The following CSPG4 variants were observed in gnomAD, a reference collection of about 807,000 sequenced individuals.
CSPG4 encodes chondroitin sulfate proteoglycan 4 (melanoma-associated).
In CSPG4, 74 loss-of-function variants were observed where a neutral mutation model predicts 139.3. The observed-to-expected ratio is 0.53, with a 90% CI of 0.44 to 0.64. The LOEUF is 0.64. CSPG4 is among the 30% of genes least tolerant of loss of function. The pLI, the probability that CSPG4 is intolerant of heterozygous loss-of-function variation, is 0.00. For missense variants in CSPG4, 2,565 were observed against 3,148.3 expected (o/e 0.81, Z 4.43); for synonymous variants, 1,234 against 1,394.2 (o/e 0.89, Z 2.56).
chr15:75,685,513 C>T lies in CSPG4; in HGVS notation c.3978G>A (p.Glu1326=), dbSNP rs1396856192. 3 of 1,609,342 alleles carry T rather than the reference C, an allele frequency of 1.9e-6. No homozygotes were observed. Among genetic ancestry groups the T allele is most frequent in the Non-Finnish European group, 1.7e-6 (2 of 1,178,846 alleles). ...GRVLYLHSRP[E]AWSDAFSLDV... ...CCAGCGAGAAGGCATCGCTCCAGGC[C>T]TCAGGGCGGGAGTGCAGGTACAGGA... Residue 1326 remains glutamate, a synonymous_variant, in exon 4 of 10, where the codon GAG becomes GAA. Transcript: ENST00000308508.
intron 1 of CSPG4, among the ~76,000 whole-genome samples, chr15:75,695,300 C>T (rs1300315631): frequency 6.6e-6 from 1 of 152,198 alleles, no homozygotes; most frequent in African/African-American, 2.4e-5. Flanking sequence ...AACCACTGAA[C>T]CACCTGCCTG....
intron 1 of CSPG4, among the ~76,000 whole-genome samples, chr15:75,702,669 G>A (rs1188037683): frequency 6.6e-6 from 1 of 152,244 alleles, no homozygotes; most frequent in Non-Finnish European, 1.5e-5. Context: ...CAGAGGCAGG[G>A]GACTGGACAC....
chr15:75,675,822 G>A lies in CSPG4; in HGVS notation c.6697C>T (p.Leu2233Phe), dbSNP rs760070850. 5.6e-6 allele frequency: 9 copies of A among 1,612,956 alleles called. No homozygotes were observed. The South Asian group carries it at 8.8e-5, about 16-fold the overall frequency. The change falls in exon 10 of 10, where the codon CTT becomes TTT. Residue 2233 changes from leucine (L) to phenylalanine (F), a missense_variant. This residue lies in a region of CSPG4 where 2,316 missense variants were observed against 2,818.2 expected (regional missense o/e 0.82). Transcript: ENST00000308508. ...FSVIIPMCLV[L>F]LLLALILPLL... ...GGCAGGATGAGCGCCAGGAGCAGAA[G>A]TACCAGGCACATGGGGATGATGACG...
chr15:75,709,506 C>T (rs2141442666), intron 1 of CSPG4, among the ~76,000 whole-genome samples: 1 of 152,336 alleles, frequency 6.6e-6, no homozygotes, highest in Admixed American at 6.5e-5. Context: ...ACTTCCTTCC[C>T]CGCAAGTGCC....
intron 8 of CSPG4, among the ~76,000 whole-genome samples, chr15:75,681,896 A>C (rs959159093): frequency 1.2e-4 from 19 of 152,274 alleles, no homozygotes; most frequent in African/African-American, 4.6e-4. Context: ...CCACAGGCCC[A>C]GCCGCTGCTT....
intron 1 of CSPG4, among the ~76,000 whole-genome samples, chr15:75,707,060 C>T (rs1368246514): frequency 3.3e-5 from 5 of 151,356 alleles, no homozygotes; most frequent in African/African-American, 4.9e-5. Context: ...CAGGTTCAAG[C>T]GATTCTCATG....
In CSPG4 at chr15:75,677,074, G is replaced by A; in HGVS notation, c.5445C>T (p.Pro1815=). 2.1e-6 allele frequency: 3 copies of A among 1,418,396 alleles called. No individual in the cohort carries two copies. The highest frequency in any genetic ancestry group is 1.9e-6 in the Non-Finnish European group (2 of 1,080,910). The allele number at this position is 1,418,396 out of a possible 1,614,324, so 87.9% of individuals were successfully genotyped here. ...QGPAGASVAG[P]QTSEAFAITV... ...TGATGGCAAAGGCCTCTGAGGTTTG[G>A]GGTCCAGCCACGGAGGCCCCTGCTG... Residue 1815 remains proline (P), a synonymous_variant, in exon 10 of 10, where the codon CCC becomes CCT. Transcript: ENST00000308508.
In CSPG4 at chr15:75,682,823, G is replaced by A. The variant is rs761950301; in HGVS notation, c.4648+20C>T. 6.2e-7 allele frequency: 1 copy of A among 1,605,944 alleles called. No individual in the cohort carries two copies. Among genetic ancestry groups the A allele is most frequent in the Middle Eastern group, 2.1e-4 (1 of 4,832 alleles). The stretch of plus-strand genomic sequence containing the variant: ...CCCCCGTGGGCAGCAGGAACCCGAG[G>A]CCCGGCCCTCAGCACCCACCTCTGT... On this transcript the variant is annotated intron_variant, in intron 6 of 9. Transcript: ENST00000308508.
chr15:75,688,204 G>C lies in CSPG4; in HGVS notation c.2861C>G (p.Thr954Ser), dbSNP rs1254682925. ...RLAWRGTQDK[T>S]TMVTSFTNED... ...ATTGGTGAAGGATGTCACCATAGTGGTCTTGTCCTGTGTCCCACGCCAAGC... is the reference window on the plus strand; with the variant it reads ...ATTGGTGAAGGATGTCACCATAGTGCTCTTGTCCTGTGTCCCACGCCAAGC... Residue 954 changes from threonine to serine, a missense_variant, in exon 3 of 10, where the codon ACC (threonine) becomes AGC (serine). Transcript: ENST00000308508. The C allele has an allele frequency of 1.2e-6, 2 of 1,612,778 alleles. No individual in the cohort carries two copies. The highest frequency in any genetic ancestry group is 2.7e-5 in the African/African-American group (2 of 74,936).
At position 75,686,885 on chromosome 15, in the gene CSPG4, T is replaced by C. The variant is rs373705948; in HGVS notation, c.3789+391A>G. The stretch of plus-strand genomic sequence containing the variant: ...GTGGGGGACATGAGGGTCTGAGGAG[T>C]AGCGGCCTGTCTCCACGGTCAGCAA... On this transcript the variant is annotated intron_variant, in intron 3 of 9. Transcript: ENST00000308508. Among the ~76,000 whole-genome samples, 69 of 151,980 alleles carry C rather than the reference T, an allele frequency of 4.5e-4. 1 individual carries two copies. The highest frequency in any genetic ancestry group is 1.6e-3 in the African/African-American group (68 of 41,438).
chr15:75,709,817 G>A (rs948786387), intron 1 of CSPG4, among the ~76,000 whole-genome samples: 5 of 152,098 alleles, frequency 3.3e-5, no homozygotes, highest in Non-Finnish European at 5.9e-5. Context: ...CCCCCAGGCG[G>A]GCAGCACTAA....
rs556484915 is a variant in CSPG4, at chr15:75,689,560, C to T, written c.1505G>A (p.Arg502His). 31 of 1,612,672 alleles carry T rather than the reference C, an allele frequency of 1.9e-5. No individual in the cohort carries two copies. Among genetic ancestry groups the T allele is most frequent in the Middle Eastern group, 3.4e-4 (2 of 5,962 alleles). ...KMFTLLDVVN[R>H]KARFIHDGSE... ...GCCATCGTGGATGAAGCGGGCCTTGCGGTTCACCACGTCCAGGAGGGTGAA... is the reference window on the plus strand; with the variant it reads ...GCCATCGTGGATGAAGCGGGCCTTGTGGTTCACCACGTCCAGGAGGGTGAA... Residue 502 changes from arginine to histidine, a missense_variant, in exon 3 of 10, where the codon CGC becomes CAC. This residue lies in a region of CSPG4 where 2,316 missense variants were observed against 2,818.2 expected (regional missense o/e 0.82). Coordinates refer to ENST00000308508, the MANE Select transcript of CSPG4 (RefSeq NM_001897.5).
chr15:75,701,299 C>T (rs574846291), intron 1 of CSPG4, among the ~76,000 whole-genome samples: 3 of 152,158 alleles, frequency 2.0e-5, no homozygotes, highest in Non-Finnish European at 2.9e-5. Flanking sequence ...TCTAAGGGAA[C>T]GAAAGGATCA....
chr15:75,680,794 C>T (rs920584428), intron 8 of CSPG4: 1 of 153,392 alleles, frequency 6.5e-6, no homozygotes, highest in Non-Finnish European at 1.5e-5. Flanking sequence ...ACACCTGACC[C>T]CTTCCCTGCC....
Position 75,712,725 on chromosome 15 carries a change from C to T in CSPG4, c.31G>A (p.Ala11Thr). Residue 11 changes from alanine (A) to threonine (T), a missense_variant, in exon 1 of 10, where the codon GCC becomes ACC. By Grantham distance (58) the Ala-to-Thr change is moderately conservative. Coordinates refer to ENST00000308508, the MANE Select transcript of CSPG4 (RefSeq NM_001897.5). MQSGPRPPLP[A>T]PGLALALTLT... Reference sequence around the variant, plus strand: ...GTCAAAGCCAAGGCCAGGCCGGGGGCTGGAAGTGGGGGCCGCGGCCCGGAC... The same window carrying T: ...GTCAAAGCCAAGGCCAGGCCGGGGGTTGGAAGTGGGGGCCGCGGCCCGGAC... 1 of 1,561,044 alleles carries T rather than the reference C, an allele frequency of 6.4e-7. No individual in the cohort carries two copies. The highest frequency in any genetic ancestry group is 8.7e-7 in the Non-Finnish European group (1 of 1,153,334).
In CSPG4 at chr15:75,676,921, C is replaced by T; in HGVS notation, c.5598G>A (p.Gly1866=). The T allele has an allele frequency of 6.4e-7, 1 of 1,561,272 alleles. No individual in the cohort carries two copies. Among genetic ancestry groups the T allele is most frequent in the African/African-American group, 1.4e-5 (1 of 73,736 alleles). ...CCCGCTGGACCTCGTACTCAATCTCCCCAGGAGCTGAGTCTGGGTCCACCA... is the reference window on the plus strand; with the variant it reads ...CCCGCTGGACCTCGTACTCAATCTCTCCAGGAGCTGAGTCTGGGTCCACCA... The part of the protein sequence containing the change: ...LSVVDPDSAP[G]EIEYEVQRAP... The change falls in exon 10 of 10, where the codon GGG becomes GGA. Residue 1866 remains glycine, a synonymous_variant. Transcript: ENST00000308508.
At chr15:75,683,524 C>T (rs1023803956) in intron 5 of CSPG4, among the ~76,000 whole-genome samples, 5 of 152,184 alleles carry the variant, frequency 3.3e-5, no homozygotes, top group African/African-American at 7.2e-5. Context: ...GGGAGGGGTG[C>T]GTGGCGCAGA....
Position 75,676,921 on chromosome 15 carries a change from C to G in CSPG4, c.5598G>C (p.Gly1866=). ...CCCGCTGGACCTCGTACTCAATCTCCCCAGGAGCTGAGTCTGGGTCCACCA... is the reference window on the plus strand; with the variant it reads ...CCCGCTGGACCTCGTACTCAATCTCGCCAGGAGCTGAGTCTGGGTCCACCA... ...LSVVDPDSAP[G]EIEYEVQRAP... is the part of the protein sequence containing the mutation. Residue 1866 remains glycine, a synonymous_variant, in exon 10 of 10, where the codon GGG becomes GGC. Transcript: ENST00000308508. 2.6e-6 allele frequency: 4 copies of G among 1,561,270 alleles called. No individual in the cohort carries two copies. The highest frequency in any genetic ancestry group is 3.5e-6 in the Non-Finnish European group (4 of 1,152,676).
chr15:75,685,179 GAGCT>G (rs771614348), intron 4 of CSPG4, 36 bp downstream of exon 4: 1 of 1,509,118 alleles, frequency 6.6e-7, no homozygotes, highest in African/African-American at 1.4e-5. Context: ...TCTGCCCCCA[GAGCT>G]GGGCTGCAGC....
Sources: allele counts gnomAD v4.1 joint callset (sites outside exome capture counted in the v4.1 genomes callset), GRCh38; gene constraint gnomAD v4.1.1; regional missense constraint gnomAD v4.1.1; transcripts MANE v1.5; gene names NCBI Gene and HGNC (gene_info 2026-07-23, HGNC 2026-07-21).